Variants in MAPK13 observed in about 807,000 individuals in gnomAD.
The protein encoded by MAPK13 is MAP kinase 13.
In MAPK13, 39 loss-of-function variants were observed where a neutral mutation model predicts 53.5. The observed-to-expected ratio is 0.73, with a 90% CI of 0.56 to 0.95. The LOEUF is 0.95. Among genes scored for constraint, MAPK13 ranks in the 40% least tolerant of loss-of-function variants. The pLI, the probability that MAPK13 is intolerant of heterozygous loss-of-function variation, is 0.00. For missense variants in MAPK13, 460 were observed against 471.8 expected, an observed-to-expected ratio of 0.98 and a Z score of 0.23; for synonymous variants, 179 against 190.9, an observed-to-expected ratio of 0.94 and a Z score of 0.51.
chr6:36,135,902 T>C lies in MAPK13; in HGVS notation c.417+41T>C, dbSNP rs371428826. On this transcript the variant is annotated intron_variant, in intron 4 of 11. Transcript: ENST00000211287. ...GAGGCTGGCAGAGGGGACGCCTTGC[T>C]GTCTAGACCTGAGGTTTGGGGAGGC... 2.5e-5 allele frequency: 40 copies of C among 1,595,900 alleles called. No individual in the cohort carries two copies. The African/African-American group carries it at 4.7e-4, about 19-fold the overall frequency.
chr6:36,131,254 C>T lies in MAPK13; in HGVS notation c.120-17C>T, dbSNP rs1187229380. Reference sequence around the variant, plus strand: ...CAGGAGGAGAGCCTCGCCTGCTGACCGGCCTGTGCCCGACAGCTCGGCCAT... The same window carrying T: ...CAGGAGGAGAGCCTCGCCTGCTGACTGGCCTGTGCCCGACAGCTCGGCCAT... On this transcript the variant is annotated splice_polypyrimidine_tract_variant and intron_variant, in intron 1 of 11. Coordinates refer to ENST00000211287, the MANE Select transcript of MAPK13 (RefSeq NM_002754.5). 5.0e-6 allele frequency: 8 copies of T among 1,607,492 alleles called. No individual in the cohort carries two copies. In the Admixed American group the frequency reaches 8.4e-5, roughly 17 times the overall value.
At position 36,139,376 on chromosome 6, in the gene MAPK13, ACTC is replaced by A. The variant is rs1387809550; in HGVS notation, c.*4_*6del. ...GCCGGAGTGGCATGAAGCTGTAGGG[ACTC>A]ATCTTGCATGGCACCGCCGGCCAGA... is the stretch of plus-strand genomic sequence containing the variant. On this transcript the variant is annotated 3_prime_UTR_variant, in exon 12 of 12. Transcript: ENST00000211287. The A allele has an allele frequency of 6.2e-7, 1 of 1,613,348 alleles. No individual in the cohort carries two copies. Among genetic ancestry groups the A allele is most frequent in the South Asian group, 1.1e-5 (1 of 91,030 alleles).
rs1228715822 is a variant in MAPK13 at position 36,142,863 on chromosome 6, T to C, written c.*3490T>C. 2 of 145,870 alleles carry C rather than the reference T, an allele frequency of 1.4e-5. No homozygotes were observed. Among genetic ancestry groups the C allele is most frequent in the Non-Finnish European group, 3.0e-5 (2 of 66,068 alleles). The allele number at this position is 145,870 out of a possible 1,614,324, so 9.0% of individuals were successfully genotyped here. On this transcript the variant is annotated 3_prime_UTR_variant, in exon 12 of 12. Coordinates refer to ENST00000211287, the MANE Select transcript of MAPK13 (RefSeq NM_002754.5). The surrounding 1 kb of genome is among the most constrained non-coding windows in gnomAD (Gnocchi z 4.4). ...AAAAGGCGGTGGAGGTGCTCAGCAGTGCAAGGTGGGGGGTGGAGGGGGTGG... is the reference window on the plus strand; with the variant it reads ...AAAAGGCGGTGGAGGTGCTCAGCAGCGCAAGGTGGGGGGTGGAGGGGGTGG...
intron 8 of MAPK13, 143 bp downstream of exon 8, chr6:36,137,093 G>A (rs1766433190): frequency 4.2e-6 from 3 of 722,754 alleles, no homozygotes; most frequent in Non-Finnish European, 6.9e-6. Context: ...GATAAGGCTG[G>A]ACGCAGTGGT....
Position 36,135,816 on chromosome 6 carries a change from G to A in MAPK13, c.372G>A (p.Glu124=). Residue 124 remains glutamate, a synonymous_variant, in exon 4 of 12, where the codon GAG becomes GAA. Coordinates refer to ENST00000211287, the MANE Select transcript of MAPK13 (RefSeq NM_002754.5). ...AGATCATGGGGATGGAGTTCAGTGA[G>A]GAGAAGATCCAGTACCTGGTGTATC... ...LQKIMGMEFS[E]EKIQYLVYQM... 2 of 1,614,078 alleles carry A rather than the reference G, an allele frequency of 1.2e-6. No individual in the cohort carries two copies. Among genetic ancestry groups the A allele is most frequent in the African/African-American group, 1.3e-5 (1 of 75,042 alleles).
At position 36,138,461 on chromosome 6, in the gene MAPK13, A is replaced by C; in HGVS notation, c.762+17A>C. On this transcript the variant is annotated intron_variant, in intron 9 of 11. Coordinates refer to ENST00000211287, the MANE Select transcript of MAPK13 (RefSeq NM_002754.5). Reference sequence around the variant, plus strand: ...GACAAAGCGGTGGGTGGTAAATGGGACCTAGGCTGGCCTGGGCTGTGTGCT... The same window carrying C: ...GACAAAGCGGTGGGTGGTAAATGGGCCCTAGGCTGGCCTGGGCTGTGTGCT... The C allele has an allele frequency of 6.2e-7, 1 of 1,612,122 alleles. No individual in the cohort carries two copies. The highest frequency in any genetic ancestry group is 8.5e-7 in the Non-Finnish European group (1 of 1,178,896).
At chr6:36,132,489 T>C (rs1294275025) in intron 2 of MAPK13, 132 bp from the exon 3 acceptor site, 5 of 765,366 alleles carry the variant, frequency 6.5e-6, no homozygotes, top group Middle Eastern at 3.2e-4. Flanking sequence ...TCCAAGAAGG[T>C]TGGAGACATG....
intron 3 of MAPK13, among the ~76,000 whole-genome samples, chr6:36,133,483 A>G (rs1419644267): frequency 2.0e-5 from 3 of 152,328 alleles, no homozygotes; most frequent in South Asian, 2.1e-4. Context: ...GGCCGACACA[A>G]TGTTCCATCT....
chr6:36,139,360 GC>G lies in MAPK13; in HGVS notation c.1086del (p.Met363Ter). ...CGGAAGGACTCACGGCGCCGGAGTG[GC>G]ATGAAGCTGTAGGGACTCATCTTGC... Reference protein sequence around the residue: ...IARKDSRRRSGMKL With the variant: ...IARKDSRRRSXMKL On this transcript the variant is annotated frameshift_variant, in exon 12 of 12. Coordinates refer to ENST00000211287, the MANE Select transcript of MAPK13 (RefSeq NM_002754.5). LOFTEE classifies it high-confidence loss of function. 1.2e-6 allele frequency: 2 copies of G among 1,614,080 alleles called. No homozygotes were observed. Among genetic ancestry groups the G allele is most frequent in the Non-Finnish European group, 1.7e-6 (2 of 1,179,980 alleles).
At chr6:36,138,665 A>G (rs1766467743) in intron 9 of MAPK13, 37 bp from the exon 10 acceptor site, 1 of 1,591,518 alleles carries the variant, frequency 6.3e-7, no homozygotes, top group African/African-American at 1.3e-5. Context: ...CGCTGAGGCC[A>G]GAGCCCTAAG....
intron 2 of MAPK13, 127 bp downstream of exon 2, chr6:36,131,527 C>G (rs967532399): frequency 6.5e-6 from 6 of 916,138 alleles, no homozygotes; most frequent in Non-Finnish European, 9.7e-6. Flanking sequence ...CGGTGCCTCT[C>G]GCCTCACTAT....
In MAPK13 at chr6:36,143,399, G is replaced by A. The variant is rs1013227266; in HGVS notation, c.*4026G>A. ...CCGTAAGGGTGAACCCAGTGTGCAC[G>A]GGTGCCCGGAGCTGCCTGCGTGAGG... On this transcript the variant is annotated 3_prime_UTR_variant, in exon 12 of 12. Coordinates refer to ENST00000211287, the MANE Select transcript of MAPK13 (RefSeq NM_002754.5). The A allele has an allele frequency of 2.6e-5, 4 of 152,234 alleles. No homozygotes were observed. The highest frequency in any genetic ancestry group is 4.8e-5 in the African/African-American group (2 of 41,426). 9.4% of individuals were successfully genotyped at this position (152,234 alleles called of 1,614,324 possible). A position where few individuals can be genotyped will look rare whatever the true frequency, so the allele number is the denominator to read the frequency against.
At position 36,130,781 on chromosome 6, in the gene MAPK13, C is replaced by T; in HGVS notation, c.119+80C>T. ...CCGCCCAGCCCGCCCTGGGCTGGCC[C>T]CTCGCCAGCGCCACCTTGACCGCGG... On this transcript the variant is annotated intron_variant, in intron 1 of 11. Coordinates refer to ENST00000211287, the MANE Select transcript of MAPK13 (RefSeq NM_002754.5). The surrounding 1 kb of genome is among the most constrained non-coding windows in gnomAD (Gnocchi z 4.5). 1.3e-6 allele frequency: 1 copy of T among 747,732 alleles called. No individual in the cohort carries two copies. The highest frequency in any genetic ancestry group is 2.1e-6 in the Non-Finnish European group (1 of 487,686). 46.3% of individuals were successfully genotyped at this position (747,732 alleles called of 1,614,324 possible). A position where few individuals can be genotyped will look rare whatever the true frequency, so the allele number is the denominator to read the frequency against.
At chr6:36,138,819 T>G (rs1354247900) in intron 10 of MAPK13, 39 bp downstream of exon 10, 3 of 1,613,828 alleles carry the variant, frequency 1.9e-6, no homozygotes, top group South Asian at 2.2e-5. Context: ...CCTCTCAGCG[T>G]ATCCCAGAGG....
Position 36,139,035 on chromosome 6 carries a change from T to A in MAPK13, c.998T>A (p.Leu333His). 6.2e-7 allele frequency: 1 copy of A among 1,603,484 alleles called. No individual in the cohort carries two copies. The highest frequency in any genetic ancestry group is 8.5e-7 in the Non-Finnish European group (1 of 1,176,272). ...PFDDSLEHEK[L>H]TVDEWKQHIY... ...GATGATTCCTTAGAACACGAGAAAC[T>A]CACAGTGGATGAATGGAAGCGTAAG... is the stretch of plus-strand genomic sequence containing the variant. Residue 333 changes from leucine to histidine, a missense_variant, in exon 11 of 12, where the codon CTC (leucine) becomes CAC (histidine). By Grantham distance (99) the Leu-to-His change is moderately conservative. Coordinates refer to ENST00000211287, the MANE Select transcript of MAPK13 (RefSeq NM_002754.5).
At chr6:36,137,768 C>T (rs910592157) in intron 8 of MAPK13, among the ~76,000 whole-genome samples, 22 of 151,770 alleles carry the variant, frequency 1.4e-4, no homozygotes, top group African/African-American at 5.3e-4. Flanking sequence ...CGAGACCAGC[C>T]TGGCCAACGT....
At position 36,130,528 on chromosome 6, in the gene MAPK13, CGTTG is replaced by C; in HGVS notation, c.-53_-50del. On this transcript the variant is annotated 5_prime_UTR_variant, in exon 1 of 12. Transcript: ENST00000211287. The surrounding 1 kb of genome is among the most constrained non-coding windows in gnomAD (Gnocchi z 4.5). The stretch of plus-strand genomic sequence containing the variant: ...AGCGGGGGTCGGGGCGCTGGGAGCC[CGTTG>C]GGCCGCGAACGCAGCCGCCACGCTG... 1.1e-6 allele frequency: 1 copy of C among 890,114 alleles called. No homozygotes were observed. The allele number at this position is 890,114 out of a possible 1,614,324, so 55.1% of individuals were successfully genotyped here.
chr6:36,131,705 G>C (rs754843651), intron 2 of MAPK13, among the ~76,000 whole-genome samples: 9 of 152,222 alleles, frequency 5.9e-5, no homozygotes, highest in African/African-American at 2.2e-4. Flanking sequence ...GTGGCCAGCT[G>C]GGACTAGAAT....
chr6:36,138,971 C>A lies in MAPK13; in HGVS notation c.934C>A (p.Arg312=). The A allele has an allele frequency of 6.2e-7, 1 of 1,613,972 alleles. No individual in the cohort carries two copies. The highest frequency in any genetic ancestry group is 8.5e-7 in the Non-Finnish European group (1 of 1,179,980). ...ALTHPFFEPF[R]DPEEETEAQQ... Reference sequence around the variant, plus strand: ...CACCCATCCCTTCTTTGAACCCTTCCGGGACCCTGAGGAAGAGACGGAGGC... The same window carrying A: ...CACCCATCCCTTCTTTGAACCCTTCAGGGACCCTGAGGAAGAGACGGAGGC... Residue 312 remains arginine, a synonymous_variant, in exon 11 of 12, where the codon CGG becomes AGG. Transcript: ENST00000211287.
Sources: gnomAD v4.1 joint callset for allele counts (sites outside exome capture counted in the v4.1 genomes callset) on GRCh38, gnomAD v4.1.1 for gene constraint, Gnocchi (gnomAD v3.1) non-coding constraint, MANE v1.5 for transcripts, NCBI Gene and HGNC (gene_info 2026-07-23, HGNC 2026-07-21) for gene names.